Variants in DARS1 observed in about 807,000 individuals in gnomAD.
The protein encoded by DARS1 is aspartyl-tRNA synthetase 1, also known as aspartate--tRNA ligase, cytoplasmic.
DARS1 carries 51 observed loss-of-function variants against 68.8 expected under a neutral mutation model. The ratio of observed to expected loss-of-function variants is 0.74; its 90% CI spans 0.59 to 0.94. The LOEUF (loss-of-function observed/expected upper bound fraction) is 0.94, where lower values mean the gene tolerates loss of function less well. DARS1 is among the 40% of genes least tolerant of loss of function. The pLI is 0.00. For missense variants in DARS1, 607 were observed against 597.3 expected (o/e 1.02, Z -0.17); for synonymous variants, 203 against 190.4 (o/e 1.07, Z -0.55).
intron 4 of DARS1, among the ~76,000 whole-genome samples, chr2:135,945,132 C>CT (rs1048740998): frequency 1.4e-3 from 212 of 147,042 alleles, no homozygotes; most frequent in Middle Eastern, 7.1e-3. Flanking sequence ...AACACATCTA[C>CT]TTTTTTTTTT....
At chr2:135,963,617 C>A (rs916662844) in intron 3 of DARS1, among the ~76,000 whole-genome samples, 8 of 151,752 alleles carry the variant, frequency 5.3e-5, no homozygotes, top group African/African-American at 1.9e-4. Context: ...GGTGATCCAC[C>A]CACCTCAGCC....
chr2:135,969,308 G>T (rs901873572), intron 3 of DARS1, among the ~76,000 whole-genome samples: 1 of 152,126 alleles, frequency 6.6e-6, no homozygotes, highest in East Asian at 1.9e-4. Context: ...AACAAACTGT[G>T]TGTGTGGGTG....
intron 5 of DARS1, among the ~76,000 whole-genome samples, chr2:135,936,638 T>C (rs530504540): frequency 6.6e-5 from 10 of 152,336 alleles, no homozygotes; most frequent in Middle Eastern, 3.4e-3. Context: ...TCAACATAAA[T>C]GGGTTTATTC....
chr2:135,978,137 T>A (rs1167429794), intron 3 of DARS1, among the ~76,000 whole-genome samples: 1 of 97,736 alleles, frequency 1.0e-5, no homozygotes, highest in African/African-American at 4.3e-5. Flanking sequence ...AGCAAGACTC[T>A]GTCTCAAAAA....
chr2:135,914,466 T>TA lies in DARS1; in HGVS notation c.1149+2dup. ...AAGAAATCCAGCATATAAAGAGTCC[T>TA]ACCTTTTCCTTTACCAAATGACCCA... is the stretch of plus-strand genomic sequence containing the variant. On this transcript the variant is annotated splice_region_variant and intron_variant, in intron 12 of 15. Coordinates refer to ENST00000264161, the MANE Select transcript of DARS1 (RefSeq NM_001349.4). 7.6e-7 allele frequency: 1 copy of TA among 1,322,412 alleles called. No homozygotes were observed. Among genetic ancestry groups the TA allele is most frequent in the Non-Finnish European group, 1.1e-6 (1 of 913,694 alleles). The allele number at this position is 1,322,412 out of a possible 1,614,324, so 81.9% of individuals were successfully genotyped here. A position where few individuals can be genotyped will look rare whatever the true frequency, so the allele number is the denominator to read the frequency against.
chr2:135,928,488 G>A (rs1256486489), intron 7 of DARS1, among the ~76,000 whole-genome samples: 2 of 151,960 alleles, frequency 1.3e-5, no homozygotes, highest in Non-Finnish European at 2.9e-5. Context: ...GGGACTACAG[G>A]CACATGCCAC....
chr2:135,908,823 T>C (rs1238370485), intron 15 of DARS1, among the ~76,000 whole-genome samples: 2 of 152,194 alleles, frequency 1.3e-5, no homozygotes, highest in African/African-American at 2.4e-5. Context: ...GTAATAAAGA[T>C]ACATGCACGT....
In DARS1 at chr2:135,907,261, T is replaced by TTTTTTTTTTTTTTTTGGG; in HGVS notation, c.*54_*55insCCCAAAAAAAAAAAAAAA. The TTTTTTTTTTTTTTTTGGG allele has an allele frequency of 6.7e-6, 6 of 889,232 alleles. No homozygotes were observed. The highest frequency in any genetic ancestry group is 2.8e-5 in the Admixed American group (1 of 36,202). The allele number at this position is 889,232 out of a possible 1,614,324, so 55.1% of individuals were successfully genotyped here. ...GGCTTTCTTTTTTTTTTTTTTTTTT[T>TTTTTTTTTTTTTTTTGGG]GAGGCAGGGTCTCGCTCTGTCATCC... On this transcript the variant is annotated 3_prime_UTR_variant, in exon 16 of 16. Coordinates refer to ENST00000264161, the MANE Select transcript of DARS1 (RefSeq NM_001349.4).
At chr2:135,940,355 A>G (rs1457634529) in intron 5 of DARS1, among the ~76,000 whole-genome samples, 1 of 152,244 alleles carries the variant, frequency 6.6e-6, no homozygotes, top group Non-Finnish European at 1.5e-5. Context: ...CTGGTTTAAC[A>G]TATGCAAATC....
At chr2:135,938,531 C>G (rs896596619) in intron 5 of DARS1, among the ~76,000 whole-genome samples, 1 of 152,174 alleles carries the variant, frequency 6.6e-6, no homozygotes. Context: ...TGTTGCGTTG[C>G]TGGCGAGGAG....
chr2:135,930,782 C>G (rs1180041878), intron 7 of DARS1, among the ~76,000 whole-genome samples: 1 of 152,128 alleles, frequency 6.6e-6, no homozygotes, highest in Non-Finnish European at 1.5e-5. Flanking sequence ...TTCACCTGTA[C>G]CTAAGAGTGA....
At chr2:135,970,139 G>A (rs1047034304) in intron 3 of DARS1, among the ~76,000 whole-genome samples, 2 of 151,982 alleles carry the variant, frequency 1.3e-5, no homozygotes, top group South Asian at 4.1e-4. Context: ...CTACTTGGGA[G>A]GGTGAGGCAG....
chr2:135,948,199 CAA>C, intron 4 of DARS1, among the ~76,000 whole-genome samples: 1 of 152,146 alleles, frequency 6.6e-6, no homozygotes, highest in Non-Finnish European at 1.5e-5. Flanking sequence ...CCTGTTCCAA[CAA>C]AGAGGTATAA....
At chr2:135,912,338 C>A (rs1680913023) in intron 13 of DARS1, 148 bp downstream of exon 13, 3 of 432,482 alleles carry the variant, frequency 6.9e-6, no homozygotes, top group Admixed American at 8.1e-5. Flanking sequence ...TCATTTTGAC[C>A]AGTGGTGACA....
chr2:135,943,166 G>A, intron 5 of DARS1: 1 of 567,750 alleles, frequency 1.8e-6, no homozygotes, highest in Non-Finnish European at 2.8e-6. Context: ...TCAGTTGGGT[G>A]CATCACAGAA....
intron 4 of DARS1, among the ~76,000 whole-genome samples, chr2:135,958,569 AG>A (rs2104831407): frequency 6.6e-6 from 1 of 152,314 alleles, no homozygotes; most frequent in Admixed American, 6.5e-5. Flanking sequence ...TTAGAAGTAT[AG>A]GTTACATCAC....
chr2:135,948,998 T>A (rs1197507466), intron 4 of DARS1, among the ~76,000 whole-genome samples: 1 of 152,076 alleles, frequency 6.6e-6, no homozygotes, highest in African/African-American at 2.4e-5. Context: ...GGTAGCTAGG[T>A]GACTCATTAG....
chr2:135,948,950 G>A (rs1415209262), intron 4 of DARS1, among the ~76,000 whole-genome samples: 1 of 151,744 alleles, frequency 6.6e-6, no homozygotes, highest in Non-Finnish European at 1.5e-5. Flanking sequence ...TATTTTAGGT[G>A]AAAGATCTAG....
At chr2:135,914,724 CT>C in intron 11 of DARS1, 1 of 466,992 alleles carries the variant, frequency 2.1e-6, no homozygotes, top group Admixed American at 3.5e-5. Flanking sequence ...GTAGATGCTG[CT>C]CAAATATTTA....
Sources: allele counts gnomAD v4.1 joint callset (sites outside exome capture counted in the v4.1 genomes callset), GRCh38; gene constraint gnomAD v4.1.1; transcripts MANE v1.5; gene names NCBI Gene and HGNC (gene_info 2026-07-23, HGNC 2026-07-21).